The following IMMP2L variants were observed in gnomAD, a reference collection of about 807,000 sequenced individuals.
IMMP2L encodes mitochondrial inner membrane protease subunit 2.
A neutral mutation model predicts 19.3 loss-of-function variants in IMMP2L; 18 were observed. That is an observed-to-expected ratio of 0.93 (90% CI 0.64 to 1.38). The LOEUF is 1.38. IMMP2L is among the 40% of genes most tolerant of loss of function. IMMP2L has a pLI of 0.00. For synonymous variants in IMMP2L, 76 were observed against 73.0 expected, an observed-to-expected ratio of 1.04 and a Z score of -0.21; for missense variants, 233 against 218.2, an observed-to-expected ratio of 1.07 and a Z score of -0.43.
At chr7:111,495,813 T>C (rs1843542358) in intron 2 of IMMP2L, among the ~76,000 whole-genome samples, 1 of 152,170 alleles carries the variant, frequency 6.6e-6, no homozygotes, top group Non-Finnish European at 1.5e-5. Flanking sequence ...GGTTTTGACC[T>C]TACTTCTTTG....
intron 1 of IMMP2L, among the ~76,000 whole-genome samples, chr7:111,538,577 T>A (rs1207871221): frequency 6.9e-6 from 1 of 145,726 alleles, no homozygotes; most frequent in African/African-American, 2.6e-5. Flanking sequence ...GGCAGGAGGA[T>A]CACTTGAGCT....
intron 3 of IMMP2L, among the ~76,000 whole-genome samples, chr7:111,139,496 A>C (rs915420586): frequency 2.6e-5 from 4 of 152,176 alleles, no homozygotes; most frequent in Non-Finnish European, 5.9e-5. Context: ...ATTGAGAATT[A>C]TCTATGGTGG....
intron 5 of IMMP2L, among the ~76,000 whole-genome samples, chr7:110,715,526 C>T (rs752275610): frequency 5.0e-4 from 76 of 152,022 alleles, no homozygotes; most frequent in Non-Finnish European, 9.4e-4. Context: ...ATTCTTTTCC[C>T]AAAAATCATT....
At chr7:110,992,573 T>C (rs6955060) in intron 3 of IMMP2L, among the ~76,000 whole-genome samples, 71,193 of 151,490 alleles carry the variant, frequency 0.47, 18,123 homozygotes, top group Non-Finnish European at 0.58. Flanking sequence ...TGTATTACTT[T>C]CTTAAAAAAT....
chr7:110,764,744 T>G (rs932828488), intron 5 of IMMP2L, among the ~76,000 whole-genome samples: 1 of 152,092 alleles, frequency 6.6e-6, no homozygotes, highest in Non-Finnish European at 1.5e-5. Flanking sequence ...GCTCCTTTTT[T>G]GTTACTAAAT....
At chr7:111,226,280 G>A (rs214472) in intron 3 of IMMP2L, among the ~76,000 whole-genome samples, 65,871 of 151,492 alleles carry the variant, frequency 0.43, 15,034 homozygotes, top group Non-Finnish European at 0.52. Flanking sequence ...CAGCCTCCTC[G>A]GTAGCTTGGA....
At chr7:111,405,917 T>C (rs535653347) in intron 3 of IMMP2L, among the ~76,000 whole-genome samples, 18 of 152,212 alleles carry the variant, frequency 1.2e-4, no homozygotes, top group African/African-American at 4.1e-4. Flanking sequence ...AAGGTAAAAA[T>C]TGAATAGCTG....
At chr7:111,119,343 T>C (rs1446647132) in intron 3 of IMMP2L, among the ~76,000 whole-genome samples, 5 of 152,326 alleles carry the variant, frequency 3.3e-5, no homozygotes. Context: ...ATCTGTTTAC[T>C]TCTGTTTCCC....
At chr7:111,472,297 T>C (rs1176729668) in intron 3 of IMMP2L, among the ~76,000 whole-genome samples, 13 of 152,110 alleles carry the variant, frequency 8.5e-5, no homozygotes, top group Admixed American at 8.5e-4. Context: ...AAAACATATC[T>C]GGAAAAGTTC....
intron 4 of IMMP2L, among the ~76,000 whole-genome samples, chr7:110,961,759 T>C (rs941152828): frequency 2.6e-5 from 4 of 151,812 alleles, no homozygotes; most frequent in Non-Finnish European, 4.4e-5. Context: ...ATGCACAATA[T>C]AGAGAAACCT....
At chr7:111,228,991 G>T (rs564816598) in intron 3 of IMMP2L, among the ~76,000 whole-genome samples, 140 of 151,736 alleles carry the variant, frequency 9.2e-4, no homozygotes, top group African/African-American at 3.3e-3. Flanking sequence ...GTGTGTGTGT[G>T]TGTGTGTGTG....
At chr7:111,524,386 C>T (rs1005066152) in intron 1 of IMMP2L, among the ~76,000 whole-genome samples, 7 of 151,970 alleles carry the variant, frequency 4.6e-5, no homozygotes, top group African/African-American at 1.7e-4. Context: ...AACGGCTCAA[C>T]AGTAAATAAT....
chr7:111,152,840 C>A (rs1026207931), intron 3 of IMMP2L, among the ~76,000 whole-genome samples: 1 of 152,094 alleles, frequency 6.6e-6, no homozygotes, highest in African/African-American at 2.4e-5. Flanking sequence ...TATGAGCTAA[C>A]AAGAAGTAAA....
intron 5 of IMMP2L, among the ~76,000 whole-genome samples, chr7:110,827,348 T>C (rs1461687707): frequency 6.6e-6 from 1 of 152,134 alleles, no homozygotes; most frequent in African/African-American, 2.4e-5. Flanking sequence ...GACTTTTCAA[T>C]TGGTTGCCAG....
At chr7:110,795,054 G>T (rs894252141) in intron 5 of IMMP2L, among the ~76,000 whole-genome samples, 3 of 152,030 alleles carry the variant, frequency 2.0e-5, no homozygotes, top group Non-Finnish European at 4.4e-5. Flanking sequence ...GAAGACTCTG[G>T]GCAGTCAGGG....
intron 3 of IMMP2L, among the ~76,000 whole-genome samples, chr7:111,417,778 T>A (rs1020450880): frequency 6.6e-6 from 1 of 151,958 alleles, no homozygotes; most frequent in Non-Finnish European, 1.5e-5. Flanking sequence ...TTATTAGGAA[T>A]AGAGTTGATA....
chr7:111,181,364 C>T (rs1423199393), intron 3 of IMMP2L, among the ~76,000 whole-genome samples: 2 of 151,982 alleles, frequency 1.3e-5, no homozygotes, highest in Non-Finnish European at 2.9e-5. Flanking sequence ...CACTATTCTG[C>T]TATTTTCTTA....
rs1390939582 is a variant in IMMP2L at position 110,803,655 on chromosome 7, G to A, written c.408+82938C>T. Among the ~76,000 whole-genome samples, 3 of 152,022 alleles carry A rather than the reference G, an allele frequency of 2.0e-5. No individual in the cohort carries two copies. The highest frequency in any genetic ancestry group is 6.6e-5 in the Admixed American group (1 of 15,250). On this transcript the variant is annotated intron_variant, in intron 5 of 5. Coordinates refer to ENST00000405709, the MANE Select transcript of IMMP2L (RefSeq NM_032549.4). The surrounding 1 kb of genome is among the most constrained non-coding windows in gnomAD (Gnocchi z 4.2). ...TGGATGGGGGGAGCTCCAGAAATGGGAGTGACCTTGGACCAGGCAGCTCCC... is the reference window on the plus strand; with the variant it reads ...TGGATGGGGGGAGCTCCAGAAATGGAAGTGACCTTGGACCAGGCAGCTCCC...
chr7:111,117,775 A>T (rs1800067535), intron 3 of IMMP2L, among the ~76,000 whole-genome samples: 1 of 152,226 alleles, frequency 6.6e-6, no homozygotes, highest in African/African-American at 2.4e-5. Context: ...GCAATTTGCT[A>T]TAGAAGAAAA....
Sources: allele counts gnomAD v4.1 joint callset (sites outside exome capture counted in the v4.1 genomes callset), GRCh38; gene constraint gnomAD v4.1.1; non-coding constraint Gnocchi (gnomAD v3.1); transcripts MANE v1.5; gene names NCBI Gene and HGNC (gene_info 2026-07-23, HGNC 2026-07-21).